The following THAP12 variants were observed in gnomAD, a reference collection of about 807,000 sequenced individuals.
The protein encoded by THAP12 is THAP domain containing 12.
A neutral mutation model predicts 63.0 loss-of-function variants in THAP12; 20 were observed. The ratio of observed to expected loss-of-function variants is 0.32; its 90% CI spans 0.22 to 0.46. THAP12 has a LOEUF of 0.46. Ranked by LOEUF, THAP12 falls within the 20% of genes least tolerant of loss-of-function variation. THAP12 has a pLI of 1.00. For missense variants in THAP12, 568 were observed against 908.2 expected (o/e 0.63, Z 4.81); for synonymous variants, 264 against 328.4 (o/e 0.80, Z 2.12).
chr11:76,375,886 C>A (rs1946706461), intron 1 of THAP12, among the ~76,000 whole-genome samples: 1 of 152,082 alleles, frequency 6.6e-6, no homozygotes. Flanking sequence ...AACTTAAAAT[C>A]ATGTAGTACG....
chr11:76,379,729 G>A (rs1946737324), intron 1 of THAP12, among the ~76,000 whole-genome samples: 1 of 151,776 alleles, frequency 6.6e-6, no homozygotes, highest in Admixed American at 6.6e-5. Flanking sequence ...ATCATCATCC[G>A]ACACACTACG....
At chr11:76,354,869 C>A (rs1590799522) in intron 4 of THAP12, among the ~76,000 whole-genome samples, 1 of 152,126 alleles carries the variant, frequency 6.6e-6, no homozygotes, top group Non-Finnish European at 1.5e-5. Context: ...AGTGTAGTTC[C>A]CCAAAACAGC....
chr11:76,380,063 C>T (rs1946741276), intron 1 of THAP12, among the ~76,000 whole-genome samples: 1 of 152,164 alleles, frequency 6.6e-6, no homozygotes, highest in African/African-American at 2.4e-5. Flanking sequence ...ACATCTCAGC[C>T]TTTCAAACAC....
chr11:76,355,660 T>C lies in THAP12; in HGVS notation c.319-6A>G, dbSNP rs761472857. ...GTCCTGATTTCATCTTCACTCTAAA[T>C]GTCAAGAAAAAAAAAGAAAAAAACA... On this transcript the variant is annotated splice_region_variant and splice_polypyrimidine_tract_variant and intron_variant, in intron 3 of 4. Coordinates refer to ENST00000260045, the MANE Select transcript of THAP12 (RefSeq NM_004705.4). 8 of 1,586,394 alleles carry C rather than the reference T, an allele frequency of 5.0e-6. No homozygotes were observed. Among genetic ancestry groups the C allele is most frequent in the Non-Finnish European group, 6.8e-6 (8 of 1,168,204 alleles).
chr11:76,354,740 C>A (rs1565231318), intron 4 of THAP12, among the ~76,000 whole-genome samples: 1 of 152,124 alleles, frequency 6.6e-6, no homozygotes, highest in Non-Finnish European at 1.5e-5. Context: ...ACTTATAAAC[C>A]CCTCAGTGGT....
chr11:76,363,166 A>T (rs1946609069), intron 2 of THAP12, among the ~76,000 whole-genome samples: 1 of 152,066 alleles, frequency 6.6e-6, no homozygotes, highest in Non-Finnish European at 1.5e-5. Context: ...AATAATAAAA[A>T]ATATAAATAT....
At chr11:76,363,983 A>G (rs1247746775) in intron 2 of THAP12, among the ~76,000 whole-genome samples, 1 of 152,200 alleles carries the variant, frequency 6.6e-6, no homozygotes, top group African/African-American at 2.4e-5. Flanking sequence ...TCATTTATTC[A>G]AGATTGAAGA....
intron 1 of THAP12, among the ~76,000 whole-genome samples, chr11:76,377,846 C>A (rs1029099055): frequency 1.3e-5 from 2 of 152,192 alleles, no homozygotes; most frequent in African/African-American, 4.8e-5. Flanking sequence ...GAGTGATGCT[C>A]AGCATCTTTT....
Position 76,377,920 on chromosome 11 carries a change from T to C in THAP12, c.89+2828A>G, listed in dbSNP as rs975380666. ...AAGAAGTCCTTTGCCTATTTTAAAA[T>C]TGGGTTGTCTTTTTGTTGCTGAATT... is the stretch of plus-strand genomic sequence containing the variant. On this transcript the variant is annotated intron_variant, in intron 1 of 4. Transcript: ENST00000260045. Among the ~76,000 whole-genome samples, 7 of 152,230 alleles carry C rather than the reference T, an allele frequency of 4.6e-5. 1 individual carries two copies. The highest frequency in any genetic ancestry group is 2.6e-4 in the Admixed American group (4 of 15,290).
chr11:76,378,217 G>C (rs1008983233), intron 1 of THAP12, among the ~76,000 whole-genome samples: 5 of 152,118 alleles, frequency 3.3e-5, no homozygotes, highest in Non-Finnish European at 7.4e-5. Context: ...TCAGGAGTTC[G>C]AGACCAGCCT....
intron 1 of THAP12, among the ~76,000 whole-genome samples, chr11:76,376,919 G>T (rs1009991432): frequency 1.3e-5 from 2 of 152,100 alleles, no homozygotes; most frequent in African/African-American, 4.8e-5. Flanking sequence ...AATGTCTTTG[G>T]GCTAAAATTT....
Position 76,380,779 on chromosome 11 carries a change from C to G in THAP12, c.58G>C (p.Ala20Pro), listed in dbSNP as rs752633140. ...GGGTCCCGCGGGAACCTGAAGAAGG[C>G]CAAGTCGGACTGCGTGCTCTTCCGC... ...CTRKSTQSDL[A>P]FFRFPRDPAR... Residue 20 changes from alanine to proline, a missense_variant, in exon 1 of 5, where the codon GCC becomes CCC. Transcript: ENST00000260045. The G allele has an allele frequency of 6.8e-7, 1 of 1,468,034 alleles. No homozygotes were observed. The highest frequency in any genetic ancestry group is 1.3e-5 in the South Asian group (1 of 76,996). 90.9% of individuals were successfully genotyped at this position (1,468,034 alleles called of 1,614,324 possible).
Position 76,360,942 on chromosome 11 carries a change from G to A in THAP12, c.318+14C>T. Reference sequence around the variant, plus strand: ...ATGGGGGAAGGTGGGAAAGCTGAAAGTACATAGACATACCAGTTCTTTTAT... The same window carrying A: ...ATGGGGGAAGGTGGGAAAGCTGAAAATACATAGACATACCAGTTCTTTTAT... On this transcript the variant is annotated intron_variant, in intron 3 of 4. Transcript: ENST00000260045. 1 of 1,538,492 alleles carries A rather than the reference G, an allele frequency of 6.5e-7. No individual in the cohort carries two copies. The highest frequency in any genetic ancestry group is 1.4e-5 in the African/African-American group (1 of 73,282).
intron 1 of THAP12, among the ~76,000 whole-genome samples, chr11:76,370,300 A>G (rs549959917): frequency 3.2e-4 from 48 of 152,180 alleles, no homozygotes; most frequent in Admixed American, 2.9e-3. Context: ...TTTCATGGAT[A>G]TGTTACTCTG....
chr11:76,363,528 C>T (rs1405948910), intron 2 of THAP12, among the ~76,000 whole-genome samples: 2 of 152,058 alleles, frequency 1.3e-5, no homozygotes, highest in Admixed American at 1.3e-4. Flanking sequence ...ATCTTCAATG[C>T]CAAACTAATA....
intron 1 of THAP12, 33 bp downstream of exon 1, chr11:76,380,715 G>C: frequency 7.3e-7 from 1 of 1,375,646 alleles, no homozygotes; most frequent in East Asian, 3.3e-5. Context: ...GCGAAGGTGG[G>C]CCCGGGCCGC....
chr11:76,369,564 A>G (rs1565234936), intron 1 of THAP12, among the ~76,000 whole-genome samples: 1 of 152,262 alleles, frequency 6.6e-6, no homozygotes, highest in Admixed American at 6.5e-5. Context: ...ACAGTTCCAT[A>G]CACAGAAATA....
Position 76,361,008 on chromosome 11 carries a change from G to A in THAP12, c.266C>T (p.Thr89Ile). The part of the protein sequence containing the change: ...DNAIPTIFDL[T>I]SHLNNPHSRH... ...ACTATGTGGGTTGTTCAAATGACTG[G>A]TAAGATCAAATATTGTTGGTATTGC... The change falls in exon 3 of 5, where the codon ACC (threonine) becomes ATC (isoleucine). Residue 89 changes from threonine to isoleucine, a missense_variant. Thr to Ile is a moderately conservative substitution (Grantham distance 89, BLOSUM62 -1). Coordinates refer to ENST00000260045, the MANE Select transcript of THAP12 (RefSeq NM_004705.4). 6.2e-7 allele frequency: 1 copy of A among 1,610,982 alleles called. No homozygotes were observed. Among genetic ancestry groups the A allele is most frequent in the Non-Finnish European group, 8.5e-7 (1 of 1,178,962 alleles).
rs1448920748 is a variant in THAP12, at chr11:76,352,074, C to T, written c.1076G>A (p.Cys359Tyr). The change falls in exon 5 of 5, where the codon TGC (cysteine) becomes TAC (tyrosine). Residue 359 changes from cysteine to tyrosine, a missense_variant. Coordinates refer to ENST00000260045, the MANE Select transcript of THAP12 (RefSeq NM_004705.4). ...CCACATATTTAAGGCACAGGAAGAG[C>T]AGAGTGTGTAGATAGCTTGGGGATA... ...EKYPQAIYTL[C>Y]SSCALNMWLA... is the part of the protein sequence containing the mutation. 6 of 1,611,918 alleles carry T rather than the reference C, an allele frequency of 3.7e-6. No individual in the cohort carries two copies. In the East Asian group the frequency reaches 1.3e-4, roughly 36 times the overall value.
Sources: gnomAD v4.1 joint callset for allele counts (sites outside exome capture counted in the v4.1 genomes callset) on GRCh38, gnomAD v4.1.1 for gene constraint, MANE v1.5 for transcripts, NCBI Gene and HGNC (gene_info 2026-07-23, HGNC 2026-07-21) for gene names.